Variants in C6orf89 observed in about 807,000 individuals in gnomAD.
The protein encoded by C6orf89 is bombesin receptor-activated protein C6orf89.
Under a neutral mutation model 40.7 loss-of-function variants are expected in C6orf89, and 29 were observed. The ratio of observed to expected loss-of-function variants is 0.71; its 90% CI spans 0.53 to 0.97. The LOEUF (loss-of-function observed/expected upper bound fraction) is 0.97. C6orf89 is among the 50% of genes least tolerant of loss of function. C6orf89 has a pLI of 0.00. For synonymous variants in C6orf89, 165 were observed against 152.2 expected (o/e 1.08, Z -0.62); for missense variants, 392 against 429.1 (o/e 0.91, Z 0.76).
chr6:36,900,878 C>T (rs1761655898), intron 3 of C6orf89, among the ~76,000 whole-genome samples: 1 of 144,262 alleles, frequency 6.9e-6, no homozygotes, highest in South Asian at 2.2e-4. Flanking sequence ...CAGAGTTTCA[C>T]TCTTGTTGCC....
chr6:36,872,613 AT>A (rs564664124), intron 1 of C6orf89, among the ~76,000 whole-genome samples: 62 of 146,878 alleles, frequency 4.2e-4, no homozygotes, highest in Middle Eastern at 3.5e-3. Context: ...GGATGTGACA[AT>A]TTTTTTTTTT....
chr6:36,902,540 T>C lies in C6orf89; in HGVS notation c.403+106T>C, dbSNP rs1478634219. On this transcript the variant is annotated intron_variant, in intron 4 of 8. Transcript: ENST00000480824. ...CCTAATGAGAGGCAAGCTCCCTATATTGTATCTTTTAATTCAGTCCCCACT... is the reference window on the plus strand; with the variant it reads ...CCTAATGAGAGGCAAGCTCCCTATACTGTATCTTTTAATTCAGTCCCCACT... 8 of 958,842 alleles carry C rather than the reference T, an allele frequency of 8.3e-6. No homozygotes were observed. The Admixed American group carries it at 2.1e-4, about 25-fold the overall frequency. 59.4% of individuals were successfully genotyped at this position (958,842 alleles called of 1,614,324 possible).
intron 1 of C6orf89, chr6:36,875,109 C>T: frequency 3.4e-6 from 1 of 296,338 alleles, no homozygotes; most frequent in Non-Finnish European, 6.4e-6. Flanking sequence ...GGAGTTATGT[C>T]CTAATATTAA....
chr6:36,899,693 C>G, intron 3 of C6orf89, 60 bp downstream of exon 3: 1 of 1,516,780 alleles, frequency 6.6e-7, no homozygotes, highest in South Asian at 1.1e-5. Context: ...CAACATTCTT[C>G]ACAAATGCTA....
intron 1 of C6orf89, among the ~76,000 whole-genome samples, chr6:36,891,876 C>T (rs1761220590): frequency 6.6e-6 from 1 of 152,190 alleles, no homozygotes; most frequent in Non-Finnish European, 1.5e-5. Flanking sequence ...CTAGAGTTAC[C>T]TCGCTGGCAT....
chr6:36,901,312 A>ATTTTT (rs1554136270), intron 3 of C6orf89, among the ~76,000 whole-genome samples: 4 of 64,678 alleles, frequency 6.2e-5, no homozygotes, highest in Non-Finnish European at 1.2e-4. Flanking sequence ...TATTATTATT[A>ATTTTT]TTATTATTAT....
chr6:36,895,895 CTG>C (rs1211894417), intron 2 of C6orf89, among the ~76,000 whole-genome samples: 1 of 152,206 alleles, frequency 6.6e-6, no homozygotes, highest in African/African-American at 2.4e-5. Flanking sequence ...CATATGGTAA[CTG>C]TGTTTAACTC....
At chr6:36,915,045 C>G (rs1169800964) in intron 6 of C6orf89, among the ~76,000 whole-genome samples, 2 of 152,038 alleles carry the variant, frequency 1.3e-5, no homozygotes, top group East Asian at 3.9e-4. Flanking sequence ...AGGGGCAGAC[C>G]AGAAATACCT....
chr6:36,909,960 AACAGT>A (rs2150704506), intron 4 of C6orf89, among the ~76,000 whole-genome samples: 1 of 152,132 alleles, frequency 6.6e-6, no homozygotes, highest in African/African-American at 2.4e-5. Flanking sequence ...CAGTCCTCAC[AACAGT>A]CACTTAGGGT....
chr6:36,883,019 G>A (rs374604705), upstream of C6orf89, among the ~76,000 whole-genome samples: 2 of 152,264 alleles, frequency 1.3e-5, no homozygotes, highest in South Asian at 2.1e-4. Context: ...GATTACAGGC[G>A]TGAGCCACCG....
chr6:36,887,605 AG>A (rs1314321604), intron 1 of C6orf89, among the ~76,000 whole-genome samples: 10 of 152,252 alleles, frequency 6.6e-5, no homozygotes, highest in Non-Finnish European at 1.3e-4. Flanking sequence ...TGTATGCAAA[AG>A]CAAAAAGATG....
At chr6:36,922,448 A>G (rs1303535946) in intron 8 of C6orf89, among the ~76,000 whole-genome samples, 1 of 152,216 alleles carries the variant, frequency 6.6e-6, no homozygotes, top group Non-Finnish European at 1.5e-5. Flanking sequence ...TTTTAGGTTT[A>G]CCTTCATAGC....
In C6orf89 at chr6:36,902,292, T is replaced by G; in HGVS notation, c.261T>G (p.Pro87=). Residue 87 remains proline (P), a synonymous_variant, in exon 4 of 9, where the codon CCT becomes CCG. Transcript: ENST00000480824. ...FVIQPFSPLA[P]EPVLSGAHTW... ...TTCAACCTTTCAGCCCATTAGCACC[T>G]GAGCCAGTGCTTTCTGGAGCTCACA... 1 of 1,614,224 alleles carries G rather than the reference T, an allele frequency of 6.2e-7. No individual in the cohort carries two copies. The highest frequency in any genetic ancestry group is 1.1e-5 in the South Asian group (1 of 91,086).
upstream of C6orf89, chr6:36,885,942 T>G: frequency 1.6e-6 from 2 of 1,229,188 alleles, no homozygotes; most frequent in Non-Finnish European, 2.1e-6. Flanking sequence ...CGGGTCGCGC[T>G]CCCGGAAACA....
chr6:36,872,818 C>T (rs1416909691), intron 1 of C6orf89, among the ~76,000 whole-genome samples: 2 of 152,122 alleles, frequency 1.3e-5, no homozygotes, highest in South Asian at 2.1e-4. Context: ...CCATGTTGCC[C>T]GGGCTTGTCT....
intron 2 of C6orf89, among the ~76,000 whole-genome samples, chr6:36,898,509 C>G (rs1156833405): frequency 6.6e-6 from 1 of 151,712 alleles, no homozygotes; most frequent in Non-Finnish European, 1.5e-5. Context: ...AAACGCCGGA[C>G]CTCAGGTGAT....
In C6orf89 at chr6:36,902,280, C is replaced by T. The variant is rs1287735206; in HGVS notation, c.249C>T (p.Ser83=). The part of the protein sequence containing the change: ...LTAYFVIQPF[S]PLAPEPVLSG... ...CCTACTTTGTGATTCAACCTTTCAG[C>T]CCATTAGCACCTGAGCCAGTGCTTT... Residue 83 remains serine (S), a synonymous_variant, in exon 4 of 9, where the codon AGC becomes AGT. Transcript: ENST00000480824. 2 of 1,614,196 alleles carry T rather than the reference C, an allele frequency of 1.2e-6. No individual in the cohort carries two copies. Among genetic ancestry groups the T allele is most frequent in the South Asian group, 2.2e-5 (2 of 91,088 alleles).
intron 8 of C6orf89, among the ~76,000 whole-genome samples, chr6:36,922,402 G>A (rs571927646): frequency 4.6e-5 from 7 of 152,268 alleles, no homozygotes; most frequent in African/African-American, 1.4e-4. Context: ...GCACAATGAT[G>A]TTCAGCATCA....
At chr6:36,882,378 G>C (rs897959905), upstream of C6orf89, among the ~76,000 whole-genome samples, 4 of 152,182 alleles carry the variant, frequency 2.6e-5, no homozygotes, top group African/African-American at 7.2e-5. Context: ...AATTACCTAT[G>C]ATAACCCATT....
Sources: allele counts gnomAD v4.1 joint callset (sites outside exome capture counted in the v4.1 genomes callset), GRCh38; gene constraint gnomAD v4.1.1; transcripts MANE v1.5; gene names NCBI Gene and HGNC (gene_info 2026-07-23, HGNC 2026-07-21).